Variants in PDE4D observed in about 807,000 individuals in gnomAD.
The protein encoded by PDE4D is 3',5'-cyclic-AMP phosphodiesterase 4D.
Under a neutral mutation model 87.4 loss-of-function variants are expected in PDE4D, and 24 were observed. That is an observed-to-expected ratio of 0.27 (90% CI 0.20 to 0.39). PDE4D has a LOEUF of 0.39. Ranked by LOEUF, PDE4D falls within the 10% of genes least tolerant of loss-of-function variation. The probability of loss-of-function intolerance (pLI) is 1.00; values close to 1 mark genes in which losing one functional copy is unlikely to be tolerated. For synonymous variants in PDE4D, 384 were observed against 383.2 expected, an observed-to-expected ratio of 1.00 and a Z score of -0.02; for missense variants, 714 against 1,041.0, an observed-to-expected ratio of 0.69 and a Z score of 4.32.
intron 1 of PDE4D, among the ~76,000 whole-genome samples, chr5:59,260,081 C>T (rs1013416110): frequency 6.6e-6 from 1 of 151,728 alleles, no homozygotes; most frequent in African/African-American, 2.4e-5. Flanking sequence ...CTGTCTTAGC[C>T]AAAATAGATT....
intron 1 of PDE4D, among the ~76,000 whole-genome samples, chr5:59,731,307 C>T (rs1757328888): frequency 6.6e-6 from 1 of 151,938 alleles, no homozygotes. Flanking sequence ...TCTTCTTTAC[C>T]CTGGAATGAG....
At chr5:59,768,044 A>G (rs1324091875) in intron 1 of PDE4D, among the ~76,000 whole-genome samples, 1 of 151,990 alleles carries the variant, frequency 6.6e-6, no homozygotes, top group Non-Finnish European at 1.5e-5. Flanking sequence ...ACCCACCTCA[A>G]CCACTCCTAG....
intron 1 of PDE4D, among the ~76,000 whole-genome samples, chr5:59,230,830 G>A (rs746618636): frequency 1.1e-3 from 164 of 152,222 alleles, no homozygotes; most frequent in African/African-American, 3.7e-3. Context: ...GCCTTAATGG[G>A]GCTTGAATGA....
chr5:59,128,833 A>G (rs1035327155), intron 5 of PDE4D, among the ~76,000 whole-genome samples: 4 of 152,218 alleles, frequency 2.6e-5, no homozygotes, highest in African/African-American at 9.7e-5. Context: ...TCCATCTAGA[A>G]CTATTTAGAA....
At chr5:60,158,268 T>C (rs1443135258) in intron 2 of PDE4D, among the ~76,000 whole-genome samples, 1 of 152,222 alleles carries the variant, frequency 6.6e-6, no homozygotes, top group African/African-American at 2.4e-5. Flanking sequence ...TATAGCCTGT[T>C]TCTCCTAGGC....
intron 1 of PDE4D, among the ~76,000 whole-genome samples, chr5:60,336,739 C>T (rs562135170): frequency 2.6e-5 from 4 of 152,278 alleles, no homozygotes; most frequent in African/African-American, 7.2e-5. Context: ...CTTGCAGTTT[C>T]CTTCTCTGTC....
rs137940305 is a variant in PDE4D, at chr5:59,241,948, T to C, written c.456-25980A>G. Among the ~76,000 whole-genome samples the C allele has an allele frequency of 2.2e-4, 34 of 152,320 alleles. No individual in the cohort carries two copies. In the East Asian group the frequency reaches 6.4e-3, roughly 28 times the overall value. On this transcript the variant is annotated intron_variant, in intron 1 of 14. Transcript: ENST00000340635. ...ATTTTGCTTTGTTTCAGAAAGATTA[T>C]CACAGGGAAAAGCTTAGTTAAGTGA...
At chr5:59,487,233 A>G (rs1291277393) in intron 1 of PDE4D, among the ~76,000 whole-genome samples, 1 of 152,164 alleles carries the variant, frequency 6.6e-6, no homozygotes, top group Non-Finnish European at 1.5e-5. Context: ...AGGATAAGAA[A>G]TGCTTCATGA....
intron 1 of PDE4D, among the ~76,000 whole-genome samples, chr5:59,701,233 C>G (rs1437983168): frequency 6.6e-6 from 1 of 152,108 alleles, no homozygotes; most frequent in Non-Finnish European, 1.5e-5. Context: ...TTAGGTCACA[C>G]TTTTCACCCC....
intron 2 of PDE4D, among the ~76,000 whole-genome samples, chr5:60,091,756 G>C (rs1004791530): frequency 4.7e-5 from 7 of 150,268 alleles, no homozygotes; most frequent in African/African-American, 1.7e-4. Flanking sequence ...TAGATGAATG[G>C]ATAAAGAAAA....
chr5:60,141,274 G>C (rs538650049), intron 2 of PDE4D, among the ~76,000 whole-genome samples: 1 of 152,180 alleles, frequency 6.6e-6, no homozygotes, highest in South Asian at 2.1e-4. Flanking sequence ...CAGCAATTAC[G>C]AAAGTAGGCT....
At chr5:60,276,938 T>C (rs930482723) in intron 1 of PDE4D, among the ~76,000 whole-genome samples, 2 of 152,018 alleles carry the variant, frequency 1.3e-5, no homozygotes, top group African/African-American at 4.8e-5. Flanking sequence ...TCATTATATT[T>C]GAAGTGAGTT....
At chr5:60,230,018 G>A (rs1407128878) in intron 1 of PDE4D, among the ~76,000 whole-genome samples, 1 of 152,042 alleles carries the variant, frequency 6.6e-6, no homozygotes, top group Non-Finnish European at 1.5e-5. Flanking sequence ...TAATTGTTTG[G>A]ATAGTGCTGA....
At position 59,037,516 on chromosome 5, in the gene PDE4D, A is replaced by G. The variant is rs1411106701; in HGVS notation, c.921+1343T>C. ...TGAGAATAAAGGTGCCTAATGCTAC[A>G]GCAGGGGGTAAAAGTCCCAGTAAGA... On this transcript the variant is annotated intron_variant, in intron 6 of 14. Transcript: ENST00000340635. 2.6e-5 allele frequency among the ~76,000 whole-genome samples: 4 copies of G among 152,218 alleles called. No homozygotes were observed. The East Asian group carries it at 7.7e-4, about 29-fold the overall frequency.
intron 2 of PDE4D, among the ~76,000 whole-genome samples, chr5:60,039,403 G>A (rs1287051494): frequency 4.0e-5 from 6 of 149,976 alleles, no homozygotes; most frequent in Non-Finnish European, 5.9e-5. Context: ...CATGGACACA[G>A]GAAGGGGAAC....
chr5:60,479,281 A>G (rs916422318), intron 1 of PDE4D, among the ~76,000 whole-genome samples: 7 of 152,214 alleles, frequency 4.6e-5, no homozygotes, highest in African/African-American at 1.7e-4. Flanking sequence ...CACACAACAG[A>G]AAGCTATATA....
intron 2 of PDE4D, among the ~76,000 whole-genome samples, chr5:60,126,514 G>A (rs1290154417): frequency 6.6e-6 from 1 of 152,038 alleles, no homozygotes; most frequent in Admixed American, 6.5e-5. Context: ...AAATTAACTT[G>A]ATATGTTCAA....
At chr5:59,810,420 T>C (rs997657201) in intron 1 of PDE4D, among the ~76,000 whole-genome samples, 26 of 152,256 alleles carry the variant, frequency 1.7e-4, no homozygotes, top group African/African-American at 6.3e-4. Context: ...ATGAATGTTA[T>C]TGATTTTTCC....
chr5:59,301,681 G>GGA (rs1263370966), intron 1 of PDE4D, among the ~76,000 whole-genome samples: 1 of 151,778 alleles, frequency 6.6e-6, no homozygotes, highest in African/African-American at 2.4e-5. Flanking sequence ...GGAAAGTGGG[G>GGA]GAGAGAGAGA....
Sources: gnomAD v4.1 joint callset for allele counts (sites outside exome capture counted in the v4.1 genomes callset) on GRCh38, gnomAD v4.1.1 for gene constraint, MANE v1.5 for transcripts, NCBI Gene and HGNC (gene_info 2026-07-23, HGNC 2026-07-21) for gene names.